The following RRM1 variants were observed in gnomAD, a reference collection of about 807,000 sequenced individuals.
RRM1 encodes the protein ribonucleoside-diphosphate reductase large subunit.
Under a neutral mutation model 101.5 loss-of-function variants are expected in RRM1, and 19 were observed. The observed-to-expected ratio is 0.19, with a 90% CI of 0.13 to 0.27. RRM1 has a LOEUF of 0.27. Ranked by LOEUF, RRM1 falls within the 10% of genes least tolerant of loss-of-function variation. The pLI is 1.00. For missense variants in RRM1, 500 were observed against 962.9 expected, an observed-to-expected ratio of 0.52 and a Z score of 6.36; for synonymous variants, 298 against 323.4, an observed-to-expected ratio of 0.92 and a Z score of 0.84.
intron 7 of RRM1, 41 bp from the exon 8 acceptor site, chr11:4,118,279 T>C: frequency 6.3e-7 from 1 of 1,589,096 alleles, no homozygotes; most frequent in Non-Finnish European, 8.6e-7. Flanking sequence ...TGACTCTGCT[T>C]CATTTCCTTG....
chr11:4,126,840 A>G lies in RRM1; in HGVS notation c.1470+7A>G. 1 of 1,597,808 alleles carries G rather than the reference A, an allele frequency of 6.3e-7. No homozygotes were observed. The highest frequency in any genetic ancestry group is 8.5e-7 in the Non-Finnish European group (1 of 1,170,284). On this transcript the variant is annotated splice_region_variant and intron_variant, in intron 13 of 18. Transcript: ENST00000300738. The stretch of plus-strand genomic sequence containing the variant: ...CTACTATCCTGTACCAGAGGTATGA[A>G]TAGATTTCTCTGCTTATTGGTAATT...
chr11:4,137,376 G>A, intron 18 of RRM1: 2 of 150,506 alleles, frequency 1.3e-5, no homozygotes, highest in Non-Finnish European at 2.7e-5. Context: ...CCTCCCAGAC[G>A]GGGCGGCTGG....
At chr11:4,103,392 A>G (rs1025080226) in intron 2 of RRM1, among the ~76,000 whole-genome samples, 1 of 152,238 alleles carries the variant, frequency 6.6e-6, no homozygotes, top group South Asian at 2.1e-4. Context: ...TCTTTGGTTT[A>G]TAGATAAGAA....
chr11:4,129,520 C>T (rs1264916948), intron 15 of RRM1, among the ~76,000 whole-genome samples: 3 of 151,058 alleles, frequency 2.0e-5, no homozygotes, highest in Non-Finnish European at 2.9e-5. Flanking sequence ...TTAGTTACAT[C>T]GGGCATATAA....
intron 1 of RRM1, among the ~76,000 whole-genome samples, chr11:4,101,007 C>T (rs576311663): frequency 1.6e-4 from 25 of 152,110 alleles, no homozygotes; most frequent in African/African-American, 5.5e-4. Context: ...AAGATATAAT[C>T]TAAGTCCAAA....
At chr11:4,123,637 C>G (rs12290828) in intron 12 of RRM1, among the ~76,000 whole-genome samples, 57,048 of 151,948 alleles carry the variant, frequency 0.38, 10,876 homozygotes, top group South Asian at 0.46. Context: ...AACATTTACT[C>G]AAGAAAAATA....
intron 7 of RRM1, among the ~76,000 whole-genome samples, chr11:4,113,187 T>C (rs2094567941): frequency 1.3e-5 from 2 of 152,100 alleles, no homozygotes; most frequent in Non-Finnish European, 2.9e-5. Flanking sequence ...CATCAAAAAA[T>C]ACATTAATGT....
intron 6 of RRM1, 98 bp from the exon 7 acceptor site, chr11:4,111,802 C>A: frequency 7.7e-7 from 1 of 1,294,592 alleles, no homozygotes; most frequent in Non-Finnish European, 1.1e-6. Flanking sequence ...TAAAGTTTTT[C>A]TAGTTTCCTT....
chr11:4,105,330 A>T (rs1470072819), intron 2 of RRM1, among the ~76,000 whole-genome samples: 1 of 151,630 alleles, frequency 6.6e-6, no homozygotes, highest in Non-Finnish European at 1.5e-5. Flanking sequence ...TCCTCAGCAC[A>T]AGCAATCCTC....
intron 8 of RRM1, 102 bp from the exon 9 acceptor site, chr11:4,119,743 C>A (rs2094578742): frequency 2.7e-6 from 2 of 738,702 alleles, no homozygotes; most frequent in African/African-American, 1.8e-5. Flanking sequence ...TCATAGATTG[C>A]TACCTAGAAA....
At chr11:4,108,166 C>G (rs2094560748) in intron 4 of RRM1, among the ~76,000 whole-genome samples, 1 of 152,088 alleles carries the variant, frequency 6.6e-6, no homozygotes, top group Admixed American at 6.5e-5. Context: ...AAAAATTATC[C>G]ACTTGTGTTT....
chr11:4,124,178 G>A (rs1236378261), intron 12 of RRM1, among the ~76,000 whole-genome samples: 1 of 152,190 alleles, frequency 6.6e-6, no homozygotes, highest in African/African-American at 2.4e-5. Flanking sequence ...AGCCCTTGTA[G>A]GTTTCTGAGA....
intron 15 of RRM1, among the ~76,000 whole-genome samples, chr11:4,130,735 T>G (rs117331926): frequency 0.04 from 6,080 of 152,262 alleles, 178 homozygotes; most frequent in Middle Eastern, 0.061. Flanking sequence ...ATTTAGTGAT[T>G]TATTTTGGAG....
chr11:4,134,829 G>A (rs1376436006), intron 17 of RRM1, among the ~76,000 whole-genome samples: 1 of 152,070 alleles, frequency 6.6e-6, no homozygotes, highest in African/African-American at 2.4e-5. Context: ...TAAAAAATTG[G>A]TTTATGACCA....
intron 3 of RRM1, among the ~76,000 whole-genome samples, chr11:4,106,567 C>T (rs769678843): frequency 7.2e-5 from 11 of 152,142 alleles, no homozygotes; most frequent in East Asian, 3.9e-4. Context: ...GCCAACATGG[C>T]GAAACCCTTT....
chr11:4,117,511 A>T (rs74054324), intron 7 of RRM1, among the ~76,000 whole-genome samples: 1,749 of 152,364 alleles, frequency 0.011, 29 homozygotes, highest in African/African-American at 0.039. Flanking sequence ...GTAAAGCAAT[A>T]TTGAATTAAA....
chr11:4,120,682 C>G (rs920635205), intron 9 of RRM1, among the ~76,000 whole-genome samples: 2 of 152,062 alleles, frequency 1.3e-5, no homozygotes, highest in African/African-American at 4.8e-5. Context: ...GTTCTTAAAA[C>G]AAAAACAAAA....
chr11:4,101,064 A>G (rs1193225676), intron 1 of RRM1, among the ~76,000 whole-genome samples: 1 of 152,192 alleles, frequency 6.6e-6, no homozygotes, highest in Non-Finnish European at 1.5e-5. Context: ...AGATGGGGTA[A>G]GTGCAATGGA....
At chr11:4,124,917 T>TTA (rs1411316110) in intron 12 of RRM1, among the ~76,000 whole-genome samples, 8 of 56,780 alleles carry the variant, frequency 1.4e-4, no homozygotes, top group Non-Finnish European at 4.8e-4. Flanking sequence ...ATTTATTTAT[T>TTA]TTATTTTTTT....
Sources: gnomAD v4.1 joint callset for allele counts (sites outside exome capture counted in the v4.1 genomes callset) on GRCh38, gnomAD v4.1.1 for gene constraint, MANE v1.5 for transcripts, NCBI Gene and HGNC (gene_info 2026-07-23, HGNC 2026-07-21) for gene names.